Variants in TMEM183A observed in about 807,000 individuals in gnomAD.
TMEM183A encodes chromosome 1 open reading frame 37.
In TMEM183A, 21 loss-of-function variants were observed where a neutral mutation model predicts 46.7. That is an observed-to-expected ratio of 0.45 (90% CI 0.32 to 0.65). The LOEUF is 0.65. TMEM183A is among the 30% of genes least tolerant of loss of function. The pLI, the probability that TMEM183A is intolerant of heterozygous loss-of-function variation, is 0.04. For missense variants in TMEM183A, 331 were observed against 481.9 expected (o/e 0.69, Z 2.93); for synonymous variants, 165 against 180.2 (o/e 0.92, Z 0.68).
Position 203,020,909 on chromosome 1 carries a change from C to T in TMEM183A, c.906C>T (p.Phe302=). 1.2e-6 allele frequency: 2 copies of T among 1,607,206 alleles called. No individual in the cohort carries two copies. Among genetic ancestry groups the T allele is most frequent in the Non-Finnish European group, 1.7e-6 (2 of 1,176,512 alleles). Residue 302 remains phenylalanine (F), a synonymous_variant, in exon 7 of 8, where the codon TTC becomes TTT. Coordinates refer to ENST00000367242, the MANE Select transcript of TMEM183A (RefSeq NM_138391.6). The stretch of plus-strand genomic sequence containing the variant: ...TACTGCAGGTCACCACCCTCAATTT[C>T]ATCTTTATTCCGATTGTCATGGGAA... ...CCLLQVTTLN[F]IFIPIVMGMI...
chr1:203,021,718 A>G (rs1371267579), intron 7 of TMEM183A, among the ~76,000 whole-genome samples: 3 of 152,224 alleles, frequency 2.0e-5, no homozygotes, highest in Non-Finnish European at 4.4e-5. Context: ...AGGCTTGGCC[A>G]GTAATTAGTA....
At position 203,023,498 on chromosome 1, in the gene TMEM183A, C is replaced by T. The variant is rs887458310; in HGVS notation, c.*458C>T. 2 of 152,846 alleles carry T rather than the reference C, an allele frequency of 1.3e-5. No homozygotes were observed. The highest frequency in any genetic ancestry group is 4.8e-5 in the African/African-American group (2 of 41,444). The allele number at this position is 152,846 out of a possible 1,614,324, so 9.5% of individuals were successfully genotyped here. The stretch of plus-strand genomic sequence containing the variant: ...GAATATTTTCCCTTCTCCCTTTACC[C>T]TTCTCCAGAAATAAAGCAGGTGACA... On this transcript the variant is annotated 3_prime_UTR_variant, in exon 8 of 8. Coordinates refer to ENST00000367242, the MANE Select transcript of TMEM183A (RefSeq NM_138391.6).
chr1:203,011,973 T>C (rs1014949512), intron 3 of TMEM183A, among the ~76,000 whole-genome samples: 1 of 151,832 alleles, frequency 6.6e-6, no homozygotes. Context: ...ATGAAACATG[T>C]AGAAGAAGAG....
Position 203,007,767 on chromosome 1 carries a change from G to A in TMEM183A, c.110-7G>A, listed in dbSNP as rs953176917. On this transcript the variant is annotated splice_polypyrimidine_tract_variant and splice_region_variant and intron_variant, in intron 1 of 7. Transcript: ENST00000367242. The stretch of plus-strand genomic sequence containing the variant: ...CCTCTTCCTTGAGGGTTGGTGCTGT[G>A]TTGCAGTGACCGTGGCGGATTACGC... 4 of 1,613,918 alleles carry A rather than the reference G, an allele frequency of 2.5e-6. No individual in the cohort carries two copies. The highest frequency in any genetic ancestry group is 3.4e-6 in the Non-Finnish European group (4 of 1,179,916).
intron 5 of TMEM183A, among the ~76,000 whole-genome samples, chr1:203,017,059 T>A (rs778447645): frequency 1.3e-5 from 2 of 152,210 alleles, no homozygotes; most frequent in Non-Finnish European, 2.9e-5. Context: ...AGGGTACTTT[T>A]GATTTCGAGA....
chr1:203,024,503 A>G lies in TMEM183A; in HGVS notation c.*1463A>G, dbSNP rs1318588323. Reference sequence around the variant, plus strand: ...ACATTTTTGTTTTTTTTTTTTTACCATCTTCCCTAGGAATATTCCTAGAAA... The same window carrying G: ...ACATTTTTGTTTTTTTTTTTTTACCGTCTTCCCTAGGAATATTCCTAGAAA... On this transcript the variant is annotated 3_prime_UTR_variant, in exon 8 of 8. Transcript: ENST00000367242. The G allele has an allele frequency of 1.5e-5, 2 of 137,258 alleles. No individual in the cohort carries two copies. The highest frequency in any genetic ancestry group is 1.4e-4 in the Admixed American group (2 of 13,962). The allele number at this position is 137,258 out of a possible 1,614,324, so 8.5% of individuals were successfully genotyped here.
rs905826861 is a variant in TMEM183A at position 203,023,851 on chromosome 1, G to A, written c.*811G>A. ...TTGTTGTACCATAAGTTTAAAAGAT[G>A]AGTCTCATTTTTCTTGTGGTAGATG... On this transcript the variant is annotated 3_prime_UTR_variant, in exon 8 of 8. Transcript: ENST00000367242. 5.3e-5 allele frequency: 8 copies of A among 152,106 alleles called. No homozygotes were observed. Among genetic ancestry groups the A allele is most frequent in the Admixed American group, 4.6e-4 (7 of 15,272 alleles). 9.4% of individuals were successfully genotyped at this position (152,106 alleles called of 1,614,324 possible). A position where few individuals can be genotyped will look rare whatever the true frequency, so the allele number is the denominator to read the frequency against.
In TMEM183A at chr1:203,007,488, T is replaced by C; in HGVS notation, c.23T>C (p.Leu8Pro). 1 of 1,489,698 alleles carries C rather than the reference T, an allele frequency of 6.7e-7. No individual in the cohort carries two copies. The highest frequency in any genetic ancestry group is 8.9e-7 in the Non-Finnish European group (1 of 1,118,006). 92.3% of individuals were successfully genotyped at this position (1,489,698 alleles called of 1,614,324 possible). The change falls in exon 1 of 8, where the codon CTA becomes CCA. Residue 8 changes from leucine to proline, a missense_variant. Leu to Pro is a moderately conservative substitution (Grantham distance 98). Coordinates refer to ENST00000367242, the MANE Select transcript of TMEM183A (RefSeq NM_138391.6). ...GACATGGCCCGGGGGCCCGGCCCGC[T>C]AGGCAGGCCTCGCCCCGATACGGTC... MARGPGP[L>P]GRPRPDTVAM...
rs974538813 is a variant in TMEM183A, at chr1:203,013,193, T to C, written c.368-1696T>C. 1.3e-5 allele frequency among the ~76,000 whole-genome samples: 2 copies of C among 152,200 alleles called. No homozygotes were observed. The highest frequency in any genetic ancestry group is 4.8e-5 in the African/African-American group (2 of 41,448). On this transcript the variant is annotated intron_variant, in intron 3 of 7. Coordinates refer to ENST00000367242, the MANE Select transcript of TMEM183A (RefSeq NM_138391.6). This position sits in a 1 kb window ranked among gnomAD's most constrained non-coding sequence, Gnocchi z 4.0. ...TGTTTTAGACATATTGGGTCTCTGT[T>C]GTGAAGAACCTAACCAAATAACCTG...
At chr1:203,012,235 TCA>T (rs56743654) in intron 3 of TMEM183A, among the ~76,000 whole-genome samples, 2,271 of 80,812 alleles carry the variant, frequency 0.028, 75 homozygotes, top group East Asian at 0.061. Flanking sequence ...CCCCACTCCA[TCA>T]CACACACACA....
rs75383625 is a variant in TMEM183A at position 203,014,109 on chromosome 1, G to T, written c.368-780G>T. ...TTTTTCCTGACTGAAAATGTTTAGT[G>T]GGTGGAGACTTAAACCATGAGCAGG... On this transcript the variant is annotated intron_variant, in intron 3 of 7. Transcript: ENST00000367242. Among the ~76,000 whole-genome samples, 983 of 152,292 alleles carry T rather than the reference G, an allele frequency of 6.5e-3. 6 individuals carry two copies. Among genetic ancestry groups the T allele is most frequent in the Non-Finnish European group, 0.011 (773 of 68,018 alleles).
chr1:203,017,520 A>G (rs1223540034), intron 5 of TMEM183A, among the ~76,000 whole-genome samples: 1 of 152,232 alleles, frequency 6.6e-6, no homozygotes, highest in Non-Finnish European at 1.5e-5. Flanking sequence ...AATGAAAACT[A>G]AGGTCTTAAT....
At chr1:203,015,392 G>T (rs182049296) in intron 4 of TMEM183A, 1 of 307,876 alleles carries the variant, frequency 3.2e-6, no homozygotes, top group African/African-American at 2.2e-5. Context: ...CATCTTTCCA[G>T]CTGGATTAGG....
intron 3 of TMEM183A, among the ~76,000 whole-genome samples, chr1:203,012,243 A>T (rs1317987968): frequency 1.4e-5 from 2 of 145,494 alleles, no homozygotes; most frequent in African/African-American, 5.2e-5. Flanking sequence ...CATCACACAC[A>T]CACACACACA....
At chr1:203,017,659 G>A (rs1385758132) in intron 5 of TMEM183A, 1 of 837,486 alleles carries the variant, frequency 1.2e-6, no homozygotes, top group South Asian at 5.4e-5. Flanking sequence ...CCATGATTGC[G>A]TGGCATTCAG....
chr1:203,016,658 C>T (rs1383729155), intron 5 of TMEM183A, among the ~76,000 whole-genome samples: 2 of 152,186 alleles, frequency 1.3e-5, no homozygotes, highest in African/African-American at 4.8e-5. Context: ...GGCTATTGCC[C>T]GGCTCTGGTA....
At chr1:203,021,994 GTGTC>G (rs1426402190) in intron 7 of TMEM183A, among the ~76,000 whole-genome samples, 1 of 152,126 alleles carries the variant, frequency 6.6e-6, no homozygotes, top group Non-Finnish European at 1.5e-5. Context: ...TTCTCTTAAT[GTGTC>G]TGTTAATATG....
chr1:203,012,148 TCACACACACACACACA>T (rs767000280), intron 3 of TMEM183A, among the ~76,000 whole-genome samples: 10 of 79,400 alleles, frequency 1.3e-4, no homozygotes, highest in Non-Finnish European at 1.7e-4. Flanking sequence ...CCCCACTCCA[TCACACACACACACACA>T]CACACACACA....
intron 3 of TMEM183A, among the ~76,000 whole-genome samples, 177 bp downstream of exon 3, chr1:203,008,987 C>T (rs114975597): frequency 1.3e-5 from 2 of 152,068 alleles, no homozygotes; most frequent in Non-Finnish European, 2.9e-5. Flanking sequence ...CCTGGGCTTT[C>T]TTTTTTCTTT....
Sources: gnomAD v4.1 joint callset for allele counts (sites outside exome capture counted in the v4.1 genomes callset) on GRCh38, gnomAD v4.1.1 for gene constraint, Gnocchi (gnomAD v3.1) non-coding constraint, MANE v1.5 for transcripts, NCBI Gene and HGNC (gene_info 2026-07-23, HGNC 2026-07-21) for gene names.